The following NRG1 variants were observed in gnomAD, a reference collection of about 807,000 sequenced individuals.
NRG1 encodes neuregulin 1, also known as pro-neuregulin-1, membrane-bound isoform.
Under a neutral mutation model 63.8 loss-of-function variants are expected in NRG1, and 18 were observed. The observed-to-expected ratio is 0.28, with a 90% CI of 0.19 to 0.42. NRG1 has a LOEUF of 0.42. NRG1 is among the 10% of genes least tolerant of loss of function. The pLI, the probability that NRG1 is intolerant of heterozygous loss-of-function variation, is 1.00. For missense variants in NRG1, 762 were observed against 814.7 expected (o/e 0.94, Z 0.79); for synonymous variants, 302 against 301.3 (o/e 1.00, Z -0.02).
intron 1 of NRG1, among the ~76,000 whole-genome samples, chr8:31,753,980 T>C (rs1563362156): frequency 6.6e-6 from 1 of 152,130 alleles, no homozygotes; most frequent in Non-Finnish European, 1.5e-5. Context: ...TACTTAGCTG[T>C]TTTGTTTCTA....
intron 1 of NRG1, among the ~76,000 whole-genome samples, chr8:32,330,286 A>C (rs1374742587): frequency 6.6e-6 from 1 of 152,118 alleles, no homozygotes. Context: ...TCCTGAATCT[A>C]TTACTTACCA....
At chr8:31,713,272 A>G (rs1309438256) in intron 1 of NRG1, among the ~76,000 whole-genome samples, 5 of 151,356 alleles carry the variant, frequency 3.3e-5, no homozygotes, top group Non-Finnish European at 7.4e-5. Flanking sequence ...GCCCACCACC[A>G]AGCCCGGCTA....
chr8:32,388,382 C>G (rs986241502), intron 1 of NRG1, among the ~76,000 whole-genome samples: 1 of 152,166 alleles, frequency 6.6e-6, no homozygotes, highest in Non-Finnish European at 1.5e-5. Context: ...AAATTTCTAA[C>G]GTAGGGGTTT....
chr8:32,231,998 G>T (rs1463133984), intron 1 of NRG1, among the ~76,000 whole-genome samples: 1 of 152,024 alleles, frequency 6.6e-6, no homozygotes, highest in East Asian at 1.9e-4. Flanking sequence ...CAACCTCCCA[G>T]GCTCAAGTAA....
intron 1 of NRG1, among the ~76,000 whole-genome samples, chr8:32,158,448 G>GATATATATATATATATATATATATATAT (rs36087607): frequency 0.027 from 1,631 of 61,500 alleles, 229 homozygotes; most frequent in Non-Finnish European, 0.039. Flanking sequence ...TGGTTTACAT[G>GATATATATATATATATATATATATATAT]ATATATATAT....
intron 1 of NRG1, among the ~76,000 whole-genome samples, chr8:32,368,112 C>T (rs1808327693): frequency 6.6e-6 from 1 of 152,104 alleles, no homozygotes; most frequent in Non-Finnish European, 1.5e-5. Context: ...TGTTATGCCT[C>T]CAGTTTTGTT....
intron 1 of NRG1, among the ~76,000 whole-genome samples, chr8:31,924,562 G>A (rs1043225330): frequency 9.4e-5 from 14 of 149,280 alleles, no homozygotes; most frequent in Non-Finnish European, 1.9e-4. Flanking sequence ...AGGGCAAATT[G>A]CTGGCCTTGT....
chr8:32,661,043 A>G (rs1802726680), intron 5 of NRG1, among the ~76,000 whole-genome samples: 1 of 152,178 alleles, frequency 6.6e-6, no homozygotes, highest in Non-Finnish European at 1.5e-5. Flanking sequence ...TCATACCTGC[A>G]TTGTTCTCAG....
chr8:32,118,597 C>T (rs1281127529), intron 1 of NRG1, among the ~76,000 whole-genome samples: 1 of 152,094 alleles, frequency 6.6e-6, no homozygotes, highest in African/African-American at 2.4e-5. Flanking sequence ...ATTTGTTGGG[C>T]ATTTCCTATG....
chr8:31,801,749 A>G (rs1406150589), intron 1 of NRG1, among the ~76,000 whole-genome samples: 1 of 152,252 alleles, frequency 6.6e-6, no homozygotes, highest in Non-Finnish European at 1.5e-5. Flanking sequence ...AAGAAATATT[A>G]TCTCTGATAA....
At chr8:31,773,265 T>C (rs986159683) in intron 1 of NRG1, among the ~76,000 whole-genome samples, 5 of 152,208 alleles carry the variant, frequency 3.3e-5, no homozygotes, top group Non-Finnish European at 4.4e-5. Context: ...CATCATGTGC[T>C]TGATGCACTG....
chr8:32,307,061 A>G lies in NRG1; in HGVS notation c.38-288767A>G, dbSNP rs1856269249. On this transcript the variant is annotated intron_variant, in intron 1 of 10. Coordinates refer to the NRG1 transcript ENST00000519301. ...TAGGGAGCATTTACTAAGTGATGGT[A>G]CTTCCCAGCGCACATTTTTGGTTTT... Among the ~76,000 whole-genome samples, 4 of 152,196 alleles carry G rather than the reference A, an allele frequency of 2.6e-5. No homozygotes were observed. The South Asian group carries it at 8.3e-4, about 32-fold the overall frequency.
In NRG1 at chr8:31,925,503, T is replaced by C. The variant is rs1249716956; in HGVS notation, c.37+286072T>C. Among the ~76,000 whole-genome samples the C allele has an allele frequency of 2.6e-5, 4 of 152,144 alleles. No homozygotes were observed. The East Asian group carries it at 7.7e-4, about 29-fold the overall frequency. On this transcript the variant is annotated intron_variant, in intron 1 of 10. Transcript: ENST00000519301. ...TCAGGATTCTCAATTCTATATTTGA[T>C]GTCTTTTATCAAGTTTTGTAAATAC...
chr8:32,278,753 A>G (rs1852379044), intron 1 of NRG1, among the ~76,000 whole-genome samples: 1 of 152,148 alleles, frequency 6.6e-6, no homozygotes, highest in African/African-American at 2.4e-5. Context: ...GACTCTGCCC[A>G]GGCAACAATT....
intron 1 of NRG1, among the ~76,000 whole-genome samples, chr8:31,886,826 A>G (rs1405012769): frequency 1.3e-5 from 2 of 151,974 alleles, no homozygotes; most frequent in Non-Finnish European, 2.9e-5. Flanking sequence ...ACAGTGAGAA[A>G]CCTGTCACTA....
intron 1 of NRG1, among the ~76,000 whole-genome samples, chr8:32,036,186 A>G (rs1400083793): frequency 6.6e-6 from 1 of 152,156 alleles, no homozygotes; most frequent in Non-Finnish European, 1.5e-5. Flanking sequence ...TCCTTTACTT[A>G]TGAAGCTTAG....
intron 1 of NRG1, among the ~76,000 whole-genome samples, chr8:32,105,433 A>G (rs113215781): frequency 7.2e-5 from 11 of 152,238 alleles, no homozygotes; most frequent in African/African-American, 2.4e-4. Context: ...ACTCCCCTTT[A>G]TGAAACCATC....
chr8:32,497,540 T>A (rs1406356916), intron 1 of NRG1, among the ~76,000 whole-genome samples: 1 of 152,022 alleles, frequency 6.6e-6, no homozygotes, highest in Non-Finnish European at 1.5e-5. Context: ...AACTTACAGA[T>A]TGACATATTT....
chr8:32,368,308 C>T (rs996337872), intron 1 of NRG1, among the ~76,000 whole-genome samples: 3 of 152,116 alleles, frequency 2.0e-5, no homozygotes, highest in African/African-American at 7.2e-5. Flanking sequence ...GTGGCTCATG[C>T]CTGTAATCCC....
Sources: gnomAD v4.1 joint callset for allele counts (sites outside exome capture counted in the v4.1 genomes callset) on GRCh38, gnomAD v4.1.1 for gene constraint, MANE v1.5 for transcripts, NCBI Gene and HGNC (gene_info 2026-07-23, HGNC 2026-07-21) for gene names.